SLCO1A2: variants seen among roughly 807,000 people sequenced by gnomAD.
SLCO1A2 encodes solute carrier organic anion transporter family member 1A2.
SLCO1A2 carries 67 observed loss-of-function variants against 69.0 expected under a neutral mutation model. The ratio of observed to expected loss-of-function variants is 0.97; its 90% CI spans 0.80 to 1.19. SLCO1A2 has a LOEUF of 1.19. Among genes scored for constraint, SLCO1A2 ranks in the 50% most tolerant of loss-of-function variants. The pLI is 0.00. For missense variants in SLCO1A2, 787 were observed against 793.7 expected, an observed-to-expected ratio of 0.99 and a Z score of 0.10; for synonymous variants, 260 against 265.9, an observed-to-expected ratio of 0.98 and a Z score of 0.22.
chr12:21,330,261 G>A lies in SLCO1A2; in HGVS notation c.60+4327C>T, dbSNP rs531517756. 2.1e-3 allele frequency among the ~76,000 whole-genome samples: 317 copies of A among 152,178 alleles called. 1 individual carries two copies. Among genetic ancestry groups the A allele is most frequent in the Admixed American group, 5.6e-3 (85 of 15,262 alleles). On this transcript the variant is annotated intron_variant, in intron 2 of 14. Coordinates refer to ENST00000683939, the MANE Select transcript of SLCO1A2 (RefSeq NM_001386879.1). ...TAATCCTAGCACTTTGGGAGACTAA[G>A]GCAGACAGATCATTTTAGTCTAGGT...
At chr12:21,371,751 C>T (rs1266056934) in intron 2 of SLCO1A2, among the ~76,000 whole-genome samples, 2 of 152,036 alleles carry the variant, frequency 1.3e-5, no homozygotes, top group East Asian at 1.9e-4. Flanking sequence ...GCCTGTAATC[C>T]CAGCACTTTG....
intron 3 of SLCO1A2, among the ~76,000 whole-genome samples, chr12:21,316,992 A>G (rs1950958497): frequency 6.6e-6 from 1 of 152,238 alleles, no homozygotes; most frequent in East Asian, 1.9e-4. Context: ...TAATGGGTTG[A>G]TTAAAAGTAC....
intron 6 of SLCO1A2, 148 bp downstream of exon 6, chr12:21,304,279 A>C (rs1949076238): frequency 3.2e-6 from 2 of 619,904 alleles, no homozygotes; most frequent in African/African-American, 1.8e-5. Flanking sequence ...TCTCATCTCC[A>C]TTCAACAAAC....
intron 1 of SLCO1A2, among the ~76,000 whole-genome samples, chr12:21,402,486 C>T (rs554740502): frequency 6.6e-6 from 1 of 151,922 alleles, no homozygotes; most frequent in African/African-American, 2.4e-5. Flanking sequence ...TTTTTGCATA[C>T]AGTTAATTAA....
chr12:21,359,740 C>T (rs1938671933), intron 2 of SLCO1A2, among the ~76,000 whole-genome samples: 1 of 137,004 alleles, frequency 7.3e-6, no homozygotes, highest in South Asian at 2.5e-4. Flanking sequence ...GAGCGAGACT[C>T]CGTCTTAAAA....
intron 11 of SLCO1A2, 53 bp downstream of exon 11, chr12:21,293,892 G>T: frequency 6.8e-7 from 1 of 1,469,772 alleles, no homozygotes; most frequent in South Asian, 1.3e-5. Flanking sequence ...CCAGTTCATA[G>T]TTGGGAAGTA....
chr12:21,281,350 T>C (rs1164305354), intron 12 of SLCO1A2, among the ~76,000 whole-genome samples: 1 of 151,814 alleles, frequency 6.6e-6, no homozygotes, highest in Non-Finnish European at 1.5e-5. Context: ...CTCAGGAGGC[T>C]GAGGCAGAAG....
chr12:21,336,420 T>C (rs1952892508), upstream of SLCO1A2, among the ~76,000 whole-genome samples: 1 of 151,922 alleles, frequency 6.6e-6, no homozygotes, highest in Admixed American at 6.6e-5. Flanking sequence ...TTTTTCACTA[T>C]GTCTGGAAGA....
At chr12:21,343,843 G>A (rs1953157605) in intron 2 of SLCO1A2, among the ~76,000 whole-genome samples, 1 of 152,076 alleles carries the variant, frequency 6.6e-6, no homozygotes, top group Admixed American at 6.6e-5. Context: ...AAATAGGGCA[G>A]AGCAGAACAA....
At chr12:21,357,184 AAC>A (rs1374034439) in intron 2 of SLCO1A2, among the ~76,000 whole-genome samples, 1 of 152,158 alleles carries the variant, frequency 6.6e-6, no homozygotes, top group East Asian at 1.9e-4. Context: ...CACATTTGTA[AAC>A]AGAGTTATTT....
intron 3 of SLCO1A2, among the ~76,000 whole-genome samples, chr12:21,318,379 A>G (rs1951155490): frequency 1.3e-5 from 2 of 152,058 alleles, no homozygotes. Context: ...TCCGCCTCCC[A>G]AAGTGCTGGG....
intron 12 of SLCO1A2, among the ~76,000 whole-genome samples, chr12:21,278,059 G>T (rs560776114): frequency 1.3e-4 from 20 of 151,228 alleles, no homozygotes; most frequent in Admixed American, 1.2e-3. Flanking sequence ...CACACAGGCT[G>T]GCTAAAGAAC....
intron 13 of SLCO1A2, 118 bp from the exon 14 acceptor site, chr12:21,274,704 G>A (rs1208362703): frequency 1.8e-5 from 14 of 770,660 alleles, no homozygotes; most frequent in Non-Finnish European, 4.1e-6. Flanking sequence ...AAATCTAATG[G>A]TCTAAATTTT....
chr12:21,284,472 C>T (rs1250445993), intron 12 of SLCO1A2, among the ~76,000 whole-genome samples: 2 of 151,750 alleles, frequency 1.3e-5, no homozygotes, highest in African/African-American at 4.9e-5. Flanking sequence ...ACAAGGATAC[C>T]CAGGAATTGA....
intron 12 of SLCO1A2, among the ~76,000 whole-genome samples, chr12:21,281,006 A>C (rs2136173782): frequency 6.6e-6 from 1 of 152,314 alleles, no homozygotes; most frequent in African/African-American, 2.4e-5. Context: ...TGGGTCAATG[A>C]GAAAATTAAG....
chr12:21,364,145 TCAATA>T (rs1474847669), intron 2 of SLCO1A2, among the ~76,000 whole-genome samples: 1 of 152,180 alleles, frequency 6.6e-6, no homozygotes, highest in Non-Finnish European at 1.5e-5. Flanking sequence ...GCAAAAATCC[TCAATA>T]AAATACTGGC....
chr12:21,416,569 G>A (rs1000207892), intron 1 of SLCO1A2, among the ~76,000 whole-genome samples: 1 of 151,882 alleles, frequency 6.6e-6, no homozygotes, highest in Non-Finnish European at 1.5e-5. Context: ...CTCACTGAGG[G>A]TGTCATGCTT....
chr12:21,301,200 A>G lies in SLCO1A2; in HGVS notation c.659T>C (p.Val220Ala), dbSNP rs756229293. 6.2e-7 allele frequency: 1 copy of G among 1,612,216 alleles called. No homozygotes were observed. The highest frequency in any genetic ancestry group is 1.1e-5 in the South Asian group (1 of 90,868). ...GTTCACAAATCCAGTGTCAACATAA[A>G]CATTTGCACAGAATGATGCCAACAA... ...GLLLASFCAN[V>A]YVDTGFVNTD... Residue 220 changes from valine to alanine, a missense_variant, in exon 7 of 15, where the codon GTT becomes GCT. Coordinates refer to ENST00000683939, the MANE Select transcript of SLCO1A2 (RefSeq NM_001386879.1).
chr12:21,393,489 CT>C (rs1319485425), intron 1 of SLCO1A2, among the ~76,000 whole-genome samples: 7 of 152,118 alleles, frequency 4.6e-5, no homozygotes, highest in Admixed American at 2.6e-4. Flanking sequence ...ATATTTATTT[CT>C]GTTGCTCTGT....
Sources: allele counts gnomAD v4.1 joint callset (sites outside exome capture counted in the v4.1 genomes callset), GRCh38; gene constraint gnomAD v4.1.1; transcripts MANE v1.5; gene names NCBI Gene and HGNC (gene_info 2026-07-23, HGNC 2026-07-21).